TSHZ2: variants seen among roughly 807,000 people sequenced by gnomAD.
TSHZ2 encodes teashirt homolog 2.
In TSHZ2, 21 loss-of-function variants were observed where a neutral mutation model predicts 74.4. The ratio of observed to expected loss-of-function variants is 0.28; its 90% CI spans 0.20 to 0.41. The LOEUF is 0.41. TSHZ2 is among the 10% of genes least tolerant of loss of function. The probability of loss-of-function intolerance (pLI) is 1.00; values close to 1 mark genes in which losing one functional copy is unlikely to be tolerated. For missense variants in TSHZ2, 1,244 were observed against 1,293.5 expected (o/e 0.96, Z 0.59); for synonymous variants, 540 against 515.3 (o/e 1.05, Z -0.65).
At chr20:53,159,451 C>G (rs980690699) in intron 1 of TSHZ2, among the ~76,000 whole-genome samples, 1 of 152,046 alleles carries the variant, frequency 6.6e-6, no homozygotes, top group Non-Finnish European at 1.5e-5. Context: ...ACCCTCAAAG[C>G]CTGAAATATT....
rs942656158 is a variant in TSHZ2, at chr20:53,487,797, T to C, written c.*662T>C. The C allele has an allele frequency of 1.3e-5, 2 of 152,212 alleles. No individual in the cohort carries two copies. The highest frequency in any genetic ancestry group is 4.1e-4 in the South Asian group (2 of 4,830). The allele number at this position is 152,212 out of a possible 1,614,324, so 9.4% of individuals were successfully genotyped here. On this transcript the variant is annotated 3_prime_UTR_variant, in exon 3 of 3. Coordinates refer to ENST00000371497, the MANE Select transcript of TSHZ2 (RefSeq NM_173485.6). ...CAAGAAAACCCCTGAACAATGTTCATCTTCTGTGAAACTTGCTCAAATAGT... is the reference window on the plus strand; with the variant it reads ...CAAGAAAACCCCTGAACAATGTTCACCTTCTGTGAAACTTGCTCAAATAGT...
intron 1 of TSHZ2, among the ~76,000 whole-genome samples, chr20:53,031,064 G>A (rs1983617167): frequency 6.6e-6 from 1 of 151,824 alleles, no homozygotes. Context: ...CCTTCTATTT[G>A]CATCTTTGCA....
chr20:53,462,077 CAAAAAAAA>C (rs1212222175), intron 2 of TSHZ2, among the ~76,000 whole-genome samples: 1 of 141,438 alleles, frequency 7.1e-6, no homozygotes, highest in African/African-American at 2.6e-5. Flanking sequence ...ACTAAAAATA[CAAAAAAAA>C]AAGAAAAAAA....
At chr20:53,147,874 G>C (rs756651764) in intron 1 of TSHZ2, among the ~76,000 whole-genome samples, 3 of 152,062 alleles carry the variant, frequency 2.0e-5, no homozygotes, top group Non-Finnish European at 4.4e-5. Flanking sequence ...GCACCACCAC[G>C]CCTGGCTAAC....
intron 2 of TSHZ2, chr20:53,461,650 G>A (rs1338722341): frequency 6.6e-6 from 1 of 152,134 alleles, no homozygotes; most frequent in African/African-American, 2.4e-5. Context: ...ATGAGAGTAA[G>A]AAGTTCCAAA....
At chr20:52,976,891 A>G (rs905867136) in intron 1 of TSHZ2, among the ~76,000 whole-genome samples, 2 of 152,216 alleles carry the variant, frequency 1.3e-5, no homozygotes, top group Non-Finnish European at 1.5e-5. Context: ...AGATCTGAAG[A>G]GTCTTGCAAG....
At chr20:53,401,931 C>T (rs1213014249) in intron 2 of TSHZ2, among the ~76,000 whole-genome samples, 8 of 151,908 alleles carry the variant, frequency 5.3e-5, no homozygotes, top group Non-Finnish European at 1.0e-4. Context: ...TACAGGCACC[C>T]GCCACCATGC....
At chr20:53,484,042 C>G (rs1986228020) in intron 2 of TSHZ2, among the ~76,000 whole-genome samples, 1 of 152,202 alleles carries the variant, frequency 6.6e-6, no homozygotes, top group Non-Finnish European at 1.5e-5. Context: ...ATTGCAGTTT[C>G]CAAAAGTCCA....
chr20:53,475,653 A>G (rs1365482583), intron 2 of TSHZ2, among the ~76,000 whole-genome samples: 1 of 134,316 alleles, frequency 7.4e-6, no homozygotes, highest in African/African-American at 3.0e-5. Flanking sequence ...AGAAATAACT[A>G]AAATCAGAGC....
At position 53,482,094 on chromosome 20, in the gene TSHZ2, G is replaced by A. The variant is rs561727027; in HGVS notation, c.*9-5050G>A. On this transcript the variant is annotated intron_variant, in intron 2 of 2. Coordinates refer to ENST00000371497, the MANE Select transcript of TSHZ2 (RefSeq NM_173485.6). ...GCACTGCAGCCTGGGCAACAAGAGC[G>A]AAACTCCATCTCATAAAAAAAAAAA... is the stretch of plus-strand genomic sequence containing the variant. Among the ~76,000 whole-genome samples, 14 of 99,410 alleles carry A rather than the reference G, an allele frequency of 1.4e-4. No homozygotes were observed. In the East Asian group the frequency reaches 3.0e-3, roughly 21 times the overall value. The allele number at this position is 99,410 out of a possible 152,430, so 65.2% of individuals were successfully genotyped here.
intron 2 of TSHZ2, among the ~76,000 whole-genome samples, chr20:53,381,279 T>C (rs911815656): frequency 6.6e-6 from 1 of 152,260 alleles, no homozygotes; most frequent in African/African-American, 2.4e-5. Flanking sequence ...TCAGGTCTAC[T>C]GTACATCATC....
intron 2 of TSHZ2, among the ~76,000 whole-genome samples, chr20:53,372,484 TAAAG>T (rs568564459): frequency 4.1e-5 from 6 of 145,280 alleles, no homozygotes; most frequent in Non-Finnish European, 7.6e-5. Context: ...CTCAAAAAAA[TAAAG>T]AAGGAAGAAA....
chr20:53,326,711 C>T (rs1414422910), intron 2 of TSHZ2, among the ~76,000 whole-genome samples: 1 of 152,106 alleles, frequency 6.6e-6, no homozygotes, highest in African/African-American at 2.4e-5. Flanking sequence ...TTAGTAAGAG[C>T]TGAAATATCT....
At chr20:53,008,102 T>C (rs1195630433) in intron 1 of TSHZ2, among the ~76,000 whole-genome samples, 2 of 152,084 alleles carry the variant, frequency 1.3e-5, no homozygotes, top group Non-Finnish European at 2.9e-5. Context: ...ATAATTAACC[T>C]TGATATTAGA....
At chr20:53,067,210 A>G (rs1293297215) in intron 1 of TSHZ2, among the ~76,000 whole-genome samples, 1 of 152,136 alleles carries the variant, frequency 6.6e-6, no homozygotes, top group African/African-American at 2.4e-5. Context: ...ATGGTATGTA[A>G]TTGAAACAAG....
chr20:53,153,651 C>G (rs1987725791), intron 1 of TSHZ2, among the ~76,000 whole-genome samples: 1 of 152,152 alleles, frequency 6.6e-6, no homozygotes, highest in Non-Finnish European at 1.5e-5. Context: ...ATGAATTGCT[C>G]TTCAAATTTC....
intron 2 of TSHZ2, among the ~76,000 whole-genome samples, chr20:53,343,177 G>A (rs1307923558): frequency 6.6e-6 from 1 of 151,642 alleles, no homozygotes; most frequent in Non-Finnish European, 1.5e-5. Context: ...TTCCTGGCCA[G>A]GTTGGTCTTG....
intron 2 of TSHZ2, among the ~76,000 whole-genome samples, chr20:53,388,569 C>T (rs986336699): frequency 6.6e-6 from 1 of 151,536 alleles, no homozygotes; most frequent in Non-Finnish European, 1.5e-5. Context: ...TAACTTTCTT[C>T]TTCTACTTTT....
intron 2 of TSHZ2, among the ~76,000 whole-genome samples, chr20:53,480,568 TA>T (rs1322529613): frequency 2.7e-3 from 374 of 136,034 alleles, no homozygotes; most frequent in African/African-American, 4.6e-3. Flanking sequence ...CCCTACCTTC[TA>T]AAAAAAAAAA....
Sources: gnomAD v4.1 joint callset for allele counts (sites outside exome capture counted in the v4.1 genomes callset) on GRCh38, gnomAD v4.1.1 for gene constraint, MANE v1.5 for transcripts, NCBI Gene and HGNC (gene_info 2026-07-23, HGNC 2026-07-21) for gene names.